Variants in PTPRD observed in about 807,000 individuals in gnomAD.
PTPRD encodes receptor-type tyrosine-protein phosphatase delta.
In PTPRD, 34 loss-of-function variants were observed where a neutral mutation model predicts 214.5. That is an observed-to-expected ratio of 0.16 (90% CI 0.12 to 0.21). The LOEUF is 0.21. Among genes scored for constraint, PTPRD ranks in the 10% least tolerant of loss-of-function variants. The pLI is 1.00. For missense variants in PTPRD, 2,545 were observed against 2,398.7 expected, an observed-to-expected ratio of 1.06 and a Z score of -1.27; for synonymous variants, 1,128 against 845.7, an observed-to-expected ratio of 1.33 and a Z score of -5.79.
At chr9:10,376,449 G>A (rs1225936511) in intron 2 of PTPRD, among the ~76,000 whole-genome samples, 2 of 151,464 alleles carry the variant, frequency 1.3e-5, no homozygotes, top group Non-Finnish European at 2.9e-5. Context: ...TTGCCTTCTA[G>A]AGGGGCCTCA....
chr9:10,575,583 C>T (rs1353463422), intron 2 of PTPRD, among the ~76,000 whole-genome samples: 1 of 152,024 alleles, frequency 6.6e-6, no homozygotes, highest in Admixed American at 6.6e-5. Flanking sequence ...ATTTTAGATT[C>T]AGGATGAGTA....
At chr9:8,466,324 G>C (rs1389468143) in intron 31 of PTPRD, among the ~76,000 whole-genome samples, 1 of 151,870 alleles carries the variant, frequency 6.6e-6, no homozygotes, top group African/African-American at 2.4e-5. Flanking sequence ...ACTTTTTCTA[G>C]AATTGACCTC....
intron 36 of PTPRD, among the ~76,000 whole-genome samples, chr9:8,390,541 C>T (rs10977030): frequency 0.38 from 51,728 of 135,732 alleles, 9,173 homozygotes; most frequent in Middle Eastern, 0.46. Flanking sequence ...ATTTACTTGT[C>T]TGTTAAGTTG....
chr9:9,226,243 T>C (rs2099959398), intron 9 of PTPRD, among the ~76,000 whole-genome samples: 1 of 151,682 alleles, frequency 6.6e-6, no homozygotes, highest in Non-Finnish European at 1.5e-5. Flanking sequence ...CAGTGGTCTG[T>C]TTCTCTGTGC....
chr9:9,463,924 G>C (rs950625381), intron 8 of PTPRD, among the ~76,000 whole-genome samples: 4 of 152,054 alleles, frequency 2.6e-5, no homozygotes, highest in African/African-American at 9.7e-5. Flanking sequence ...ACCACATTTG[G>C]ACAGTGAGAC....
intron 10 of PTPRD, among the ~76,000 whole-genome samples, chr9:9,151,687 C>T (rs1207580605): frequency 1.3e-5 from 2 of 152,100 alleles, no homozygotes; most frequent in East Asian, 3.9e-4. Context: ...CAAAATGCTC[C>T]GGTTGTTGAT....
chr9:9,329,649 A>G (rs996707870), intron 9 of PTPRD, among the ~76,000 whole-genome samples: 2 of 152,194 alleles, frequency 1.3e-5, no homozygotes, highest in African/African-American at 4.8e-5. Context: ...GGAGCTAGAG[A>G]GAATATAGAA....
At chr9:8,882,193 A>C (rs1194490564) in intron 11 of PTPRD, among the ~76,000 whole-genome samples, 1 of 152,172 alleles carries the variant, frequency 6.6e-6, no homozygotes, top group Non-Finnish European at 1.5e-5. Context: ...CTGTCGACTC[A>C]TTGACTAAAA....
chr9:8,999,089 T>C (rs932494850), intron 11 of PTPRD, among the ~76,000 whole-genome samples: 2 of 152,034 alleles, frequency 1.3e-5, no homozygotes, highest in South Asian at 2.1e-4. Flanking sequence ...CTGTGAACAT[T>C]GTTGAAATGA....
intron 5 of PTPRD, among the ~76,000 whole-genome samples, chr9:9,808,439 A>T (rs1030750148): frequency 1.3e-5 from 2 of 152,108 alleles, no homozygotes; most frequent in African/African-American, 4.8e-5. Flanking sequence ...TAATCAATTG[A>T]CCAGAAAAGA....
At chr9:9,886,031 C>T (rs1248994366) in intron 5 of PTPRD, among the ~76,000 whole-genome samples, 1 of 151,278 alleles carries the variant, frequency 6.6e-6, no homozygotes, top group African/African-American at 2.4e-5. Flanking sequence ...TAAACAGTGC[C>T]AAATGAAAAG....
intron 10 of PTPRD, among the ~76,000 whole-genome samples, chr9:9,079,041 A>C (rs2099755240): frequency 6.6e-6 from 1 of 152,030 alleles, no homozygotes; most frequent in Non-Finnish European, 1.5e-5. Flanking sequence ...TCAAATATTT[A>C]TCATTTATTT....
At chr9:8,389,090 G>A (rs1465843907) in intron 37 of PTPRD, 142 bp downstream of exon 37, 2 of 554,658 alleles carry the variant, frequency 3.6e-6, no homozygotes, top group Non-Finnish European at 5.8e-6. Flanking sequence ...TTTAATTAGA[G>A]TTGTTGATGC....
At chr9:9,662,581 T>C (rs1422846607) in intron 7 of PTPRD, among the ~76,000 whole-genome samples, 1 of 151,678 alleles carries the variant, frequency 6.6e-6, no homozygotes, top group Non-Finnish European at 1.5e-5. Flanking sequence ...ATCTGAATAG[T>C]ATCAACATGA....
intron 4 of PTPRD, among the ~76,000 whole-genome samples, chr9:10,005,536 C>T (rs751194349): frequency 3.3e-5 from 5 of 151,936 alleles, no homozygotes; most frequent in Non-Finnish European, 5.9e-5. Flanking sequence ...ATCAGAAAGT[C>T]GAGAATTTAA....
chr9:10,207,932 G>A (rs1377977156), intron 3 of PTPRD, among the ~76,000 whole-genome samples: 1 of 152,192 alleles, frequency 6.6e-6, no homozygotes, highest in African/African-American at 2.4e-5. Context: ...ACATTTAGCA[G>A]TGCATCAATT....
chr9:9,361,708 T>C (rs2056230042), intron 9 of PTPRD, among the ~76,000 whole-genome samples: 1 of 151,148 alleles, frequency 6.6e-6, no homozygotes, highest in African/African-American at 2.4e-5. Context: ...TAAACTACAG[T>C]CACTCTAGTG....
At chr9:9,560,678 C>G (rs1368869582) in intron 8 of PTPRD, among the ~76,000 whole-genome samples, 1 of 152,206 alleles carries the variant, frequency 6.6e-6, no homozygotes, top group African/African-American at 2.4e-5. Flanking sequence ...CCAGCCCATG[C>G]TGAAGTCCAA....
chr9:9,796,613 A>G (rs1271065324), intron 5 of PTPRD, among the ~76,000 whole-genome samples: 1 of 152,172 alleles, frequency 6.6e-6, no homozygotes, highest in Non-Finnish European at 1.5e-5. Flanking sequence ...GAGTAAAATG[A>G]GGAACCAAAG....
Sources: gnomAD v4.1 joint callset for allele counts (sites outside exome capture counted in the v4.1 genomes callset) on GRCh38, gnomAD v4.1.1 for gene constraint, MANE v1.5 for transcripts, NCBI Gene and HGNC (gene_info 2026-07-23, HGNC 2026-07-21) for gene names.